Variants in KCNN2 observed in about 807,000 individuals in gnomAD.
KCNN2 encodes potassium calcium-activated channel subfamily N member 2, also known as small conductance calcium-activated potassium channel protein 2.
KCNN2 carries 24 observed loss-of-function variants against 55.5 expected under a neutral mutation model. The observed-to-expected ratio is 0.43, with a 90% CI of 0.31 to 0.61. The LOEUF (loss-of-function observed/expected upper bound fraction) is 0.61. Ranked by LOEUF, KCNN2 falls within the 20% of genes least tolerant of loss-of-function variation. KCNN2 has a pLI of 0.08. For missense variants in KCNN2, 754 were observed against 853.6 expected (o/e 0.88, Z 1.45); for synonymous variants, 431 against 336.1 (o/e 1.28, Z -3.09).
At position 114,427,381 on chromosome 5, in the gene KCNN2, G is replaced by A. The variant is rs117195036; in HGVS notation, c.1637+22525G>A. Among the ~76,000 whole-genome samples the A allele has an allele frequency of 1.1e-4, 17 of 152,378 alleles. No homozygotes were observed. In the East Asian group the frequency reaches 2.5e-3, roughly 22 times the overall value. On this transcript the variant is annotated intron_variant, in intron 3 of 7. Coordinates refer to ENST00000673685, the MANE Select transcript of KCNN2 (RefSeq NM_021614.4). ...ACTAGGACCTTGGACCAACTGAGGG[G>A]AGTGGGACTGGCCCCTGTGGGGACA...
At chr5:114,409,233 C>G (rs1349112201) in intron 3 of KCNN2, among the ~76,000 whole-genome samples, 3 of 152,090 alleles carry the variant, frequency 2.0e-5, no homozygotes, top group Non-Finnish European at 2.9e-5. Context: ...AATTATTAAC[C>G]AGCATTGTGT....
intron 1 of KCNN2, among the ~76,000 whole-genome samples, chr5:114,065,157 C>T (rs934721193): frequency 6.6e-6 from 1 of 152,138 alleles, no homozygotes; most frequent in Non-Finnish European, 1.5e-5. Context: ...AGTGTATGCA[C>T]TTGATATTTG....
At chr5:114,335,165 C>T (rs1004859300) in intron 2 of KCNN2, among the ~76,000 whole-genome samples, 1 of 152,194 alleles carries the variant, frequency 6.6e-6, no homozygotes, top group East Asian at 1.9e-4. Context: ...CCTCGTGATC[C>T]GCCAGTCTCA....
In KCNN2 at chr5:114,429,443, A is replaced by G. The variant is rs148956007; in HGVS notation, c.1637+24587A>G. Among the ~76,000 whole-genome samples, 26 of 152,152 alleles carry G rather than the reference A, an allele frequency of 1.7e-4. No individual in the cohort carries two copies. In the East Asian group the frequency reaches 4.1e-3, roughly 24 times the overall value. On this transcript the variant is annotated intron_variant, in intron 3 of 7. Coordinates refer to ENST00000673685, the MANE Select transcript of KCNN2 (RefSeq NM_021614.4). Reference sequence around the variant, plus strand: ...TTTCATTTGCTCATTTGCCATCTGTATATCTTCTTTAATGTGGTGCCGTTC... The same window carrying G: ...TTTCATTTGCTCATTTGCCATCTGTGTATCTTCTTTAATGTGGTGCCGTTC...
chr5:114,473,643 C>A lies in KCNN2; in HGVS notation c.1890+479C>A, dbSNP rs1353576214. ...ACAGGCTCTTTCCTTGACTTACAGGCCATAAAAGAGATGTTAAAAATAGTA... is the reference window on the plus strand; with the variant it reads ...ACAGGCTCTTTCCTTGACTTACAGGACATAAAAGAGATGTTAAAAATAGTA... On this transcript the variant is annotated intron_variant, in intron 5 of 7. Coordinates refer to ENST00000673685, the MANE Select transcript of KCNN2 (RefSeq NM_021614.4). Among the ~76,000 whole-genome samples, 7 of 152,184 alleles carry A rather than the reference C, an allele frequency of 4.6e-5. No individual in the cohort carries two copies. In the East Asian group the frequency reaches 7.7e-4, roughly 17 times the overall value.
intron 1 of KCNN2, among the ~76,000 whole-genome samples, chr5:114,146,703 A>G (rs756385399): frequency 2.0e-4 from 30 of 152,308 alleles, no homozygotes; most frequent in Middle Eastern, 3.4e-3. Context: ...ACAGTATTGT[A>G]CAATTTGTTT....
chr5:114,059,609 C>T (rs1444451511), intron 1 of KCNN2, among the ~76,000 whole-genome samples: 1 of 152,094 alleles, frequency 6.6e-6, no homozygotes, highest in African/African-American at 2.4e-5. Context: ...GGTAACTAGC[C>T]CAGGTTTCTG....
intron 2 of KCNN2, among the ~76,000 whole-genome samples, chr5:114,226,778 G>A (rs1474346173): frequency 6.6e-6 from 1 of 151,812 alleles, no homozygotes; most frequent in African/African-American, 2.4e-5. Flanking sequence ...GCGGGCACCT[G>A]TAGTCCCAGC....
chr5:114,337,527 G>T (rs1224811244), intron 2 of KCNN2, among the ~76,000 whole-genome samples: 2 of 152,154 alleles, frequency 1.3e-5, no homozygotes. Flanking sequence ...GGCTTAATCA[G>T]GAAAGGTTTC....
chr5:114,260,509 A>T (rs948591492), intron 2 of KCNN2, among the ~76,000 whole-genome samples: 1 of 152,248 alleles, frequency 6.6e-6, no homozygotes, highest in South Asian at 2.1e-4. Flanking sequence ...ATGTGTAAAC[A>T]TATATTGTCT....
chr5:114,463,054 A>G lies in KCNN2; in HGVS notation c.1643A>G (p.His548Arg). 1.2e-6 allele frequency: 2 copies of G among 1,612,400 alleles called. No individual in the cohort carries two copies. The highest frequency in any genetic ancestry group is 1.7e-6 in the Non-Finnish European group (2 of 1,179,350). ...TTTTGTTTGCTGTTTTTCAGGTACC[A>G]TGATCAACAGGATGTTACTAGCAAC... The part of the protein sequence containing the change: ...AWTVRACERY[H>R]DQQDVTSNFL... Residue 548 changes from histidine to arginine, a missense_variant, in exon 4 of 8, where the codon CAT (histidine) becomes CGT (arginine). By Grantham distance (29) the His-to-Arg change is conservative (BLOSUM62 0). Coordinates refer to ENST00000673685, the MANE Select transcript of KCNN2 (RefSeq NM_021614.4).
intron 2 of KCNN2, among the ~76,000 whole-genome samples, chr5:114,331,457 C>G (rs1756820252): frequency 6.6e-6 from 1 of 152,168 alleles, no homozygotes; most frequent in Non-Finnish European, 1.5e-5. Context: ...TTAATATTAA[C>G]AAAGCATCGG....
intron 3 of KCNN2, among the ~76,000 whole-genome samples, chr5:114,416,365 A>G (rs1487494809): frequency 2.6e-5 from 4 of 152,038 alleles, no homozygotes; most frequent in Non-Finnish European, 5.9e-5. Flanking sequence ...TTAGGGATGT[A>G]GCTAGACATT....
chr5:114,154,531 C>G (rs1752591954), intron 1 of KCNN2, among the ~76,000 whole-genome samples: 1 of 152,112 alleles, frequency 6.6e-6, no homozygotes, highest in African/African-American at 2.4e-5. Context: ...CTGCAAGTAC[C>G]TCTGTTTCCA....
At chr5:114,334,260 ATGTGTGTGTGTGTGTGTGTGTGTGTGTG>A (rs56654295) in intron 2 of KCNN2, among the ~76,000 whole-genome samples, 3 of 138,304 alleles carry the variant, frequency 2.2e-5, no homozygotes, top group South Asian at 5.0e-4. Context: ...CATATGCCTG[ATGTGTGTGTGTGTGTGTGTGTGTGTGTG>A]TGTGTGTGTG....
intron 3 of KCNN2, among the ~76,000 whole-genome samples, chr5:114,429,740 C>T (rs1759734921): frequency 6.7e-6 from 1 of 148,930 alleles, no homozygotes. Flanking sequence ...TTGCATTTTA[C>T]ATTTGAGTCT....
At chr5:114,486,880 C>G (rs73247829) in intron 5 of KCNN2, 170 bp from the exon 6 acceptor site, 1 of 1,130,332 alleles carries the variant, frequency 8.8e-7, no homozygotes, top group Admixed American at 2.6e-5. Flanking sequence ...CAGGCAGGTA[C>G]AAGTACTTCT....
chr5:114,388,469 A>G (rs973295675), intron 2 of KCNN2, among the ~76,000 whole-genome samples: 1 of 152,134 alleles, frequency 6.6e-6, no homozygotes, highest in East Asian at 1.9e-4. Flanking sequence ...TCCTTCCATC[A>G]TACTATTGAT....
chr5:114,074,757 A>G (rs1487076424), intron 1 of KCNN2, among the ~76,000 whole-genome samples: 2 of 152,246 alleles, frequency 1.3e-5, no homozygotes, highest in African/African-American at 4.8e-5. Context: ...GAGCTTGAAG[A>G]CATTGTCAGA....
Sources: allele counts gnomAD v4.1 joint callset (sites outside exome capture counted in the v4.1 genomes callset), GRCh38; gene constraint gnomAD v4.1.1; transcripts MANE v1.5; gene names NCBI Gene and HGNC (gene_info 2026-07-23, HGNC 2026-07-21).